PTGER3: variants seen among roughly 807,000 people sequenced by gnomAD.
PTGER3 encodes prostaglandin E receptor 3.
Under a neutral mutation model 34.7 loss-of-function variants are expected in PTGER3, and 22 were observed. That is an observed-to-expected ratio of 0.63 (90% CI 0.45 to 0.91). The LOEUF is 0.91. Among genes scored for constraint, PTGER3 ranks in the 40% least tolerant of loss-of-function variants. The pLI, the probability that PTGER3 is intolerant of heterozygous loss-of-function variation, is 0.00. For synonymous variants in PTGER3, 241 were observed against 230.1 expected (o/e 1.05, Z -0.43); for missense variants, 468 against 519.4 (o/e 0.90, Z 0.96).
Position 70,927,739 on chromosome 1 carries a change from C to G in PTGER3, c.*23+26024G>C, listed in dbSNP as rs1572671331. Among the ~76,000 whole-genome samples the G allele has an allele frequency of 2.0e-5, 3 of 152,218 alleles. No individual in the cohort carries two copies. In the East Asian group the frequency reaches 5.8e-4, roughly 29 times the overall value. On this transcript the variant is annotated intron_variant, in intron 4 of 4. Coordinates refer to the PTGER3 transcript ENST00000370931. Reference sequence around the variant, plus strand: ...GAGGTCATTTACCATAAAGGAGACTCTGGAGAAACTCTCAGGGGGATAGAA... The same window carrying G: ...GAGGTCATTTACCATAAAGGAGACTGTGGAGAAACTCTCAGGGGGATAGAA...
At chr1:70,996,957 T>C (rs942541811) in intron 2 of PTGER3, among the ~76,000 whole-genome samples, 1 of 152,156 alleles carries the variant, frequency 6.6e-6, no homozygotes, top group Non-Finnish European at 1.5e-5. Context: ...CCACTGCGCC[T>C]GGCCTGTTTC....
At chr1:71,044,405 C>A (rs1660575457) in intron 1 of PTGER3, among the ~76,000 whole-genome samples, 1 of 148,422 alleles carries the variant, frequency 6.7e-6, no homozygotes, top group Admixed American at 6.7e-5. Context: ...CCACTGCACT[C>A]CAGCCTGGAG....
chr1:70,977,490 C>T (rs1653823022), intron 2 of PTGER3, among the ~76,000 whole-genome samples: 1 of 152,162 alleles, frequency 6.6e-6, no homozygotes, highest in South Asian at 2.1e-4. Context: ...TAATTTATCC[C>T]CATCCACTGC....
rs1357486455 is a variant in PTGER3 at position 71,046,704 on chromosome 1, A to C, written c.874T>G (p.Ser292Ala). 5 of 1,576,692 alleles carry C rather than the reference A, an allele frequency of 3.2e-6. No individual in the cohort carries two copies. Among genetic ancestry groups the C allele is most frequent in the Non-Finnish European group, 4.3e-6 (5 of 1,159,482 alleles). ...IQLMGIMCVL[S>A]VCWSPLLIMM... ...ACCAGGAGCGGAGACCAGCAGACCG[A>C]CAGCACGCACATGATCCCCATAAGC... The change falls in exon 1 of 4, where the codon TCG (serine) becomes GCG (alanine). Residue 292 changes from serine (S) to alanine (A), a missense_variant. Coordinates refer to ENST00000306666, the MANE Select transcript of PTGER3 (RefSeq NM_198719.2).
chr1:71,031,087 A>G (rs1255565335), intron 1 of PTGER3, among the ~76,000 whole-genome samples: 1 of 152,184 alleles, frequency 6.6e-6, no homozygotes, highest in Non-Finnish European at 1.5e-5. Flanking sequence ...TGTGAAGATT[A>G]AATTAGGTAA....
At chr1:70,968,551 T>C (rs1294741213), downstream of PTGER3, among the ~76,000 whole-genome samples, 1 of 152,088 alleles carries the variant, frequency 6.6e-6, no homozygotes, top group Non-Finnish European at 1.5e-5. Flanking sequence ...TTTGCTGAAT[T>C]ACAACCCAGA....
intron 2 of PTGER3, among the ~76,000 whole-genome samples, chr1:70,959,164 G>T (rs568272530): frequency 4.6e-5 from 7 of 152,030 alleles, no homozygotes; most frequent in Non-Finnish European, 8.8e-5. Flanking sequence ...GGTCTTCCGT[G>T]GTTCCACATA....
At chr1:70,883,283 T>C (rs979392033) in intron 4 of PTGER3, among the ~76,000 whole-genome samples, 1 of 152,226 alleles carries the variant, frequency 6.6e-6, no homozygotes, top group Admixed American at 6.5e-5. Context: ...TAAACTCTTG[T>C]TCTTCTTAAG....
intron 1 of PTGER3, among the ~76,000 whole-genome samples, chr1:71,037,257 T>C (rs1340869912): frequency 1.3e-5 from 2 of 152,326 alleles, no homozygotes; most frequent in East Asian, 3.9e-4. Context: ...CTGTCTACCT[T>C]AGTAGACTGA....
At chr1:70,864,059 C>T (rs1645988252) in intron 4 of PTGER3, among the ~76,000 whole-genome samples, 1 of 152,054 alleles carries the variant, frequency 6.6e-6, no homozygotes, top group African/African-American at 2.4e-5. Flanking sequence ...AGCAATAATC[C>T]AGACACAGGG....
chr1:71,011,376 A>G (rs1657426862), intron 2 of PTGER3: 1 of 985,126 alleles, frequency 1.0e-6, no homozygotes, highest in South Asian at 4.7e-5. Context: ...AAGACTGGGG[A>G]ACACTTTTGG....
rs80094693 is a variant in PTGER3, at chr1:71,033,904, A to G, written c.897+12777T>C. Among the ~76,000 whole-genome samples, 1,360 of 152,142 alleles carry G rather than the reference A, an allele frequency of 8.9e-3. 32 individuals carry two copies. Among genetic ancestry groups the G allele is most frequent in the African/African-American group, 0.031 (1,286 of 41,510 alleles). On this transcript the variant is annotated intron_variant, in intron 1 of 3. Coordinates refer to ENST00000306666, the MANE Select transcript of PTGER3 (RefSeq NM_198719.2). Reference sequence around the variant, plus strand: ...TTTTTTGTTATTTTTCTGCTTAAAAACTTAGTAGAACTCCTCATTACCTAA... The same window carrying G: ...TTTTTTGTTATTTTTCTGCTTAAAAGCTTAGTAGAACTCCTCATTACCTAA...
intron 4 of PTGER3, among the ~76,000 whole-genome samples, chr1:70,941,344 A>G (rs1357581812): frequency 6.6e-6 from 1 of 152,146 alleles, no homozygotes; most frequent in African/African-American, 2.4e-5. Flanking sequence ...TGTTTTGCCT[A>G]AGACCTTTTT....
intron 2 of PTGER3, among the ~76,000 whole-genome samples, chr1:71,002,849 C>T (rs1656613590): frequency 6.6e-6 from 1 of 152,222 alleles, no homozygotes; most frequent in African/African-American, 2.4e-5. Context: ...ACAGCTCCTC[C>T]TGGATCTCCT....
chr1:70,979,961 T>C lies in PTGER3; in HGVS notation c.1078-5573A>G, dbSNP rs182441389. On this transcript the variant is annotated intron_variant, in intron 2 of 3. Coordinates refer to ENST00000306666, the MANE Select transcript of PTGER3 (RefSeq NM_198719.2). Reference sequence around the variant, plus strand: ...TATTCTTAAGATAATAGACCTTAAATGCAGTTATACTGGTCTCTTCACAAT... The same window carrying C: ...TATTCTTAAGATAATAGACCTTAAACGCAGTTATACTGGTCTCTTCACAAT... 7.1e-4 allele frequency among the ~76,000 whole-genome samples: 108 copies of C among 152,294 alleles called. 1 individual carries two copies. Among genetic ancestry groups the C allele is most frequent in the African/African-American group, 2.4e-3 (101 of 41,560 alleles).
At chr1:71,033,160 A>G (rs747980202) in intron 1 of PTGER3, among the ~76,000 whole-genome samples, 1 of 152,212 alleles carries the variant, frequency 6.6e-6, no homozygotes, top group East Asian at 1.9e-4. Context: ...CCATATGTAG[A>G]TAGCTGGCCA....
chr1:71,040,057 A>G (rs942765740), intron 1 of PTGER3, among the ~76,000 whole-genome samples: 3 of 151,646 alleles, frequency 2.0e-5, no homozygotes, highest in Admixed American at 6.6e-5. Flanking sequence ...GAGAGAGAGA[A>G]AGAAAGAAAG....
At chr1:70,881,009 G>A (rs1646380469) in intron 4 of PTGER3, among the ~76,000 whole-genome samples, 1 of 152,160 alleles carries the variant, frequency 6.6e-6, no homozygotes, top group African/African-American at 2.4e-5. Context: ...TTTCCAAGTT[G>A]CTTGCTTTCT....
intron 1 of PTGER3, among the ~76,000 whole-genome samples, chr1:71,024,754 C>T (rs953014347): frequency 4.0e-5 from 6 of 150,418 alleles, no homozygotes; most frequent in African/African-American, 4.9e-5. Context: ...GGGGTTTCAC[C>T]GTGTTGACCA....
Sources: gnomAD v4.1 joint callset for allele counts (sites outside exome capture counted in the v4.1 genomes callset) on GRCh38, gnomAD v4.1.1 for gene constraint, MANE v1.5 for transcripts, NCBI Gene and HGNC (gene_info 2026-07-23, HGNC 2026-07-21) for gene names.